The following MYO15A variants were observed in gnomAD, a reference collection of about 807,000 sequenced individuals.
MYO15A encodes the protein myosin XVA.
MYO15A carries 308 observed loss-of-function variants against 394.6 expected under a neutral mutation model. The ratio of observed to expected loss-of-function variants is 0.78; its 90% confidence interval spans 0.71 to 0.86. MYO15A has a LOEUF of 0.86. MYO15A is among the 40% of genes least tolerant of loss of function. The pLI is 0.00. For missense variants in MYO15A, 4,606 were observed against 4,799.1 expected, an observed-to-expected ratio of 0.96 and a Z score of 1.19; for synonymous variants, 1,957 against 2,003.8, an observed-to-expected ratio of 0.98 and a Z score of 0.62.
At chr17:18,124,350 C>A in intron 2 of MYO15A, 133 bp from the exon 3 acceptor site, 2 of 839,032 alleles carry the variant, frequency 2.4e-6, no homozygotes, top group South Asian at 1.4e-5. Flanking sequence ...AATGAGGAGA[C>A]CTGCAGGACC....
chr17:18,142,359 G>A, intron 24 of MYO15A, 105 bp downstream of exon 24: 1 of 1,350,964 alleles, frequency 7.4e-7, no homozygotes, highest in East Asian at 2.5e-5. Context: ...AGGCATGCAA[G>A]CTGAGGGTGG....
chr17:18,127,676 T>C (rs1277297495), intron 7 of MYO15A, among the ~76,000 whole-genome samples: 1 of 151,978 alleles, frequency 6.6e-6, no homozygotes, highest in African/African-American at 2.4e-5. Context: ...AGCCTGAGAA[T>C]GGTAGAACTG....
chr17:18,142,029 G>A (rs748383742), intron 23 of MYO15A, 50 bp from the exon 24 acceptor site: 1 of 1,603,994 alleles, frequency 6.2e-7, no homozygotes, highest in Non-Finnish European at 8.5e-7. Flanking sequence ...GGGGCCCTTA[G>A]TCCAGCCTCC....
Position 18,140,966 on chromosome 17 carries a change from T to G in MYO15A, c.5407-53T>G, listed in dbSNP as rs1403052375. The G allele has an allele frequency of 2.5e-6, 4 of 1,612,992 alleles. No individual in the cohort carries two copies. In the African/African-American group the frequency reaches 5.3e-5, roughly 22 times the overall value. On this transcript the variant is annotated intron_variant, in intron 21 of 65. Coordinates refer to ENST00000647165, the MANE Select transcript of MYO15A (RefSeq NM_016239.4). ...TGGGAATATTCACCATGATAATGCC[T>G]TTTGCACATGGCTGAGCCAATGTGC... is the stretch of plus-strand genomic sequence containing the variant.
chr17:18,120,282 G>T lies in MYO15A; in HGVS notation c.1482G>T (p.Glu494Asp), dbSNP rs767790870. 2 of 1,611,918 alleles carry T rather than the reference G, an allele frequency of 1.2e-6. No individual in the cohort carries two copies. The highest frequency in any genetic ancestry group is 1.1e-5 in the South Asian group (1 of 91,092). Reference sequence around the variant, plus strand: ...AGCTGTTTGGGAAGGAGAAGCTGGAGGTGCCCCTGCCACCCTCTCTGGACA... The same window carrying T: ...AGCTGTTTGGGAAGGAGAAGCTGGATGTGCCCCTGCCACCCTCTCTGGACA... ...QVKLFGKEKLEVPLPPSLDIP... is the reference protein window; with the variant it reads ...QVKLFGKEKLDVPLPPSLDIP... Residue 494 changes from glutamate (E) to aspartate (D), a missense_variant, in exon 2 of 66, where the codon GAG (glutamate) becomes GAT (aspartate). Physicochemically the swap from Glu to Asp is conservative, Grantham distance 45. Around this residue, in one of 2 missense-constraint regions of MYO15A, gnomAD observed 1,830 missense variants for 1,689.7 expected, o/e 1.08. Transcript: ENST00000647165.
In MYO15A at chr17:18,151,231, T is replaced by G; in HGVS notation, c.7595T>G (p.Leu2532Arg). 6.2e-7 allele frequency: 1 copy of G among 1,614,008 alleles called. No homozygotes were observed. Among genetic ancestry groups the G allele is most frequent in the Non-Finnish European group, 8.5e-7 (1 of 1,180,014 alleles). Residue 2532 changes from leucine to arginine, a missense_variant, in exon 39 of 66, where the codon CTC (leucine) becomes CGC (arginine). Transcript: ENST00000647165. ...APAPLAKAPR[L>R]PIKPVAAPVL... The stretch of plus-strand genomic sequence containing the variant: ...GCCCCTCTGGCCAAGGCTCCAAGGC[T>G]CCCCATCAAGCCTGTGGCTGCCCCT...
At chr17:18,115,119 G>A (rs2045767936) in intron 1 of MYO15A, among the ~76,000 whole-genome samples, 1 of 152,178 alleles carries the variant, frequency 6.6e-6, no homozygotes, top group Admixed American at 6.6e-5. Context: ...AAACTTGGGA[G>A]CCATTCCTGC....
chr17:18,118,997 GC>G lies in MYO15A; in HGVS notation c.202del (p.Gln68ArgfsTer20). On this transcript the variant is annotated frameshift_variant, in exon 2 of 66. Coordinates refer to ENST00000647165, the MANE Select transcript of MYO15A (RefSeq NM_016239.4). LOFTEE classifies it high-confidence loss of function. The stretch of plus-strand genomic sequence containing the variant: ...GCCTTCTTCTGGGGCCTCCACACCG[GC>G]CCCCAGAAGACCAAGCGCAAGAGGA... ...ASAFFWGLHTGPQKTKRKRKA... is the reference protein window; with the variant it reads ...ASAFFWGLHTXPQKTKRKRKA... 6.2e-7 allele frequency: 1 copy of G among 1,612,826 alleles called. No homozygotes were observed.
At position 18,117,313 on chromosome 17, in the gene MYO15A, A is replaced by G. The variant is rs566931987; in HGVS notation, c.-219-1269A>G. On this transcript the variant is annotated intron_variant, in intron 1 of 65. Transcript: ENST00000647165. This position sits in a 1 kb window ranked among gnomAD's most constrained non-coding sequence, Gnocchi z 4.1. ...GAGAGGGGGAGACCTCACTTGCTGCATGGTCCCCTCTCTGCTCCTGCCACT... is the reference window on the plus strand; with the variant it reads ...GAGAGGGGGAGACCTCACTTGCTGCGTGGTCCCCTCTCTGCTCCTGCCACT... 5.9e-5 allele frequency among the ~76,000 whole-genome samples: 9 copies of G among 152,340 alleles called. No individual in the cohort carries two copies. In the East Asian group the frequency reaches 1.5e-3, roughly 26 times the overall value.
In MYO15A at chr17:18,148,707, G is replaced by A. The variant is rs1322694891; in HGVS notation, c.6765-54G>A. ...GGCTTATAACCCAGGATCTCCCCAG[G>A]TAGTGCCTGATGACTCTGTCCCTCA... is the stretch of plus-strand genomic sequence containing the variant. On this transcript the variant is annotated intron_variant, in intron 32 of 65. Coordinates refer to ENST00000647165, the MANE Select transcript of MYO15A (RefSeq NM_016239.4). This position sits in a 1 kb window ranked among gnomAD's most constrained non-coding sequence, Gnocchi z 4.8. 1.9e-6 allele frequency: 3 copies of A among 1,556,154 alleles called. No individual in the cohort carries two copies. Among genetic ancestry groups the A allele is most frequent in the South Asian group, 1.2e-5 (1 of 84,828 alleles).
intron 65 of MYO15A, 48 bp downstream of exon 65, chr17:18,173,969 G>A (rs538484306): frequency 6.3e-7 from 1 of 1,593,404 alleles, no homozygotes; most frequent in African/African-American, 1.3e-5. Context: ...GCCCTTCTCT[G>A]GGCCTGGCTC....
chr17:18,139,463 G>C, intron 18 of MYO15A, 71 bp from the exon 19 acceptor site: 1 of 1,502,392 alleles, frequency 6.7e-7, no homozygotes, highest in Non-Finnish European at 9.1e-7. Context: ...AAGTGAGGAG[G>C]ATCCAGTCCC....
In MYO15A at chr17:18,119,071, C is replaced by T. The variant is rs774557155; in HGVS notation, c.271C>T (p.Arg91Cys). Residue 91 changes from arginine (R) to cysteine (C), a missense_variant, in exon 2 of 66, where the codon CGC becomes TGC. Transcript: ENST00000647165. Reference protein sequence around the residue: ...KSTSKLMTQMRMGKKKRAMKG... With the variant: ...KSTSKLMTQMCMGKKKRAMKG... ...CACGTCAAAGCTCATGACGCAGATG[C>T]GCATGGGCAAGAAGAAGCGGGCGAT... The T allele has an allele frequency of 1.9e-6, 3 of 1,611,968 alleles. No homozygotes were observed. Among genetic ancestry groups the T allele is most frequent in the African/African-American group, 1.3e-5 (1 of 75,034 alleles).
intron 12 of MYO15A, among the ~76,000 whole-genome samples, chr17:18,134,736 T>A (rs1274675004): frequency 6.6e-6 from 1 of 152,208 alleles, no homozygotes; most frequent in Admixed American, 6.6e-5. Context: ...AAATTATTTT[T>A]AAAAAAGAAA....
intron 12 of MYO15A, among the ~76,000 whole-genome samples, chr17:18,134,110 C>T (rs935647693): frequency 6.6e-6 from 1 of 152,110 alleles, no homozygotes; most frequent in Non-Finnish European, 1.5e-5. Flanking sequence ...CTGCCTCAAC[C>T]TCCTGAGTAG....
At chr17:18,114,884 C>T (rs890140514) in intron 1 of MYO15A, among the ~76,000 whole-genome samples, 2 of 152,154 alleles carry the variant, frequency 1.3e-5, no homozygotes, top group East Asian at 1.9e-4. Flanking sequence ...CCTCTATACT[C>T]ATTCCCTGGT....
In MYO15A at chr17:18,120,406, A is replaced by G; in HGVS notation, c.1606A>G (p.Thr536Ala). The G allele has an allele frequency of 6.2e-7, 1 of 1,605,612 alleles. No homozygotes were observed. Among genetic ancestry groups the G allele is most frequent in the South Asian group, 1.1e-5 (1 of 90,608 alleles). ...PYGHPFWGFL[T>A]PRQRNLQRAL... ...CGGCCACCCTTTCTGGGGCTTCCTC[A>G]CGCCGCGCCAGCGCAACCTCCAGCG... Residue 536 changes from threonine to alanine, a missense_variant, in exon 2 of 66, where the codon ACG (threonine) becomes GCG (alanine). Thr to Ala is a moderately conservative substitution (Grantham distance 58, BLOSUM62 0). Transcript: ENST00000647165.
chr17:18,118,174 G>A (rs1266853189), intron 1 of MYO15A, among the ~76,000 whole-genome samples: 1 of 152,112 alleles, frequency 6.6e-6, no homozygotes, highest in African/African-American at 2.4e-5. Flanking sequence ...GCTCCTGAGA[G>A]CCAGCCAGCT....
Position 18,157,844 on chromosome 17 carries a change from G to A in MYO15A, c.8911G>A (p.Val2971Met), listed in dbSNP as rs745308479. The change falls in exon 51 of 66, where the codon GTG (valine) becomes ATG (methionine). Residue 2971 changes from valine to methionine, a missense_variant. Val to Met is a conservative substitution (Grantham distance 21, BLOSUM62 1). Around this residue, in one of 2 missense-constraint regions of MYO15A, gnomAD observed 2,776 missense variants for 3,109.3 expected, o/e 0.89. Coordinates refer to ENST00000647165, the MANE Select transcript of MYO15A (RefSeq NM_016239.4). ...GCCAGGCCGCGGCCGAGCAGCCGCC[G>A]TGGCCGCTGCTGTGGCCTCTGCAGC... is the stretch of plus-strand genomic sequence containing the variant. ...TEPGRGRAAA[V>M]AAAVASAAAA... 22 of 1,591,104 alleles carry A rather than the reference G, an allele frequency of 1.4e-5. No homozygotes were observed. The highest frequency in any genetic ancestry group is 2.2e-5 in the South Asian group (2 of 89,914).
Sources: gnomAD v4.1 joint callset for allele counts (sites outside exome capture counted in the v4.1 genomes callset) on GRCh38, gnomAD v4.1.1 for gene constraint, gnomAD v4.1.1 regional missense constraint, Gnocchi (gnomAD v3.1) non-coding constraint, MANE v1.5 for transcripts, NCBI Gene and HGNC (gene_info 2026-07-23, HGNC 2026-07-21) for gene names.